The following RGL1 variants were observed in gnomAD, a reference collection of about 807,000 sequenced individuals.
RGL1 encodes the protein ral guanine nucleotide dissociation stimulator-like 1.
In RGL1, 24 loss-of-function variants were observed where a neutral mutation model predicts 95.2. That is an observed-to-expected ratio of 0.25 (90% CI 0.18 to 0.35). RGL1 has a LOEUF of 0.35. RGL1 is among the 10% of genes least tolerant of loss of function. The pLI is 1.00. For synonymous variants in RGL1, 329 were observed against 344.9 expected, an observed-to-expected ratio of 0.95 and a Z score of 0.51; for missense variants, 715 against 936.3, an observed-to-expected ratio of 0.76 and a Z score of 3.08.
At chr1:183,891,733 G>GTTTTTTT (rs57974956) in intron 8 of RGL1, among the ~76,000 whole-genome samples, 7 of 123,946 alleles carry the variant, frequency 5.6e-5, no homozygotes, top group Non-Finnish European at 1.0e-4. Flanking sequence ...GTGTGTAACA[G>GTTTTTTT]TTTTTTTTTT....
intron 4 of RGL1, among the ~76,000 whole-genome samples, chr1:183,874,611 G>A (rs1366080247): frequency 6.6e-6 from 1 of 151,362 alleles, no homozygotes; most frequent in Non-Finnish European, 1.5e-5. Context: ...TATTTCCCTG[G>A]TCTTTTCTCA....
chr1:183,892,025 C>T (rs1020526134), intron 8 of RGL1, 52 bp from the exon 9 acceptor site: 12 of 1,425,088 alleles, frequency 8.4e-6, no homozygotes, highest in African/African-American at 2.8e-5. Context: ...CCAAAAGTGT[C>T]GGGTTATTCC....
intron 5 of RGL1, among the ~76,000 whole-genome samples, chr1:183,883,542 C>T (rs1558269665): frequency 6.6e-6 from 1 of 152,142 alleles, no homozygotes; most frequent in East Asian, 1.9e-4. Context: ...TGTCCTTGGC[C>T]TAGGAGCCAG....
At chr1:183,824,340 T>C (rs917281576) in intron 2 of RGL1, among the ~76,000 whole-genome samples, 3 of 152,236 alleles carry the variant, frequency 2.0e-5, no homozygotes, top group African/African-American at 7.2e-5. Context: ...TATCCGGCCC[T>C]GGAGACATGA....
intron 8 of RGL1, among the ~76,000 whole-genome samples, chr1:183,891,712 G>A (rs1001418662): frequency 4.7e-5 from 7 of 148,102 alleles, no homozygotes; most frequent in African/African-American, 1.8e-4. Flanking sequence ...TCTCAGATCT[G>A]TGGGCTCTGT....
At chr1:183,821,557 T>C (rs527801412) in intron 2 of RGL1, among the ~76,000 whole-genome samples, 5 of 152,290 alleles carry the variant, frequency 3.3e-5, no homozygotes, top group Admixed American at 6.5e-5. Context: ...GGCAGGTTGG[T>C]ACCAGGAACA....
chr1:183,753,504 A>T lies in RGL1; in HGVS notation c.132+11215A>T, dbSNP rs76186468. ...GCAAAAGACTTTATTACTCACAGCA[A>T]GAGCAGCAGCCAGAGTGTCAACATG... On this transcript the variant is annotated intron_variant, in intron 2 of 18. Transcript: ENST00000304685. Among the ~76,000 whole-genome samples, 275 of 152,358 alleles carry T rather than the reference A, an allele frequency of 1.8e-3. 6 individuals are homozygous for T. The East Asian group carries it at 0.042, about 23-fold the overall frequency.
intron 3 of RGL1, among the ~76,000 whole-genome samples, chr1:183,852,121 C>T (rs1225764221): frequency 1.3e-5 from 2 of 152,156 alleles, no homozygotes; most frequent in South Asian, 2.1e-4. Context: ...AAGACAGATA[C>T]TGCAGTATTT....
At chr1:183,798,318 T>C (rs1172762724) in intron 2 of RGL1, among the ~76,000 whole-genome samples, 1 of 152,204 alleles carries the variant, frequency 6.6e-6, no homozygotes, top group Non-Finnish European at 1.5e-5. Flanking sequence ...TATGTTGATA[T>C]TGCCATCTTC....
At chr1:183,810,011 G>T (rs1015506858) in intron 2 of RGL1, among the ~76,000 whole-genome samples, 11 of 152,186 alleles carry the variant, frequency 7.2e-5, no homozygotes, top group African/African-American at 2.7e-4. Context: ...ATTTTTGGAA[G>T]AGCAAAGTGT....
At chr1:183,795,473 C>A (rs1660651112) in intron 2 of RGL1, among the ~76,000 whole-genome samples, 1 of 152,084 alleles carries the variant, frequency 6.6e-6, no homozygotes, top group Admixed American at 6.5e-5. Flanking sequence ...GGAAGGATGT[C>A]CCAAAGATGG....
At chr1:183,879,488 T>G (rs908027345) in intron 4 of RGL1, among the ~76,000 whole-genome samples, 4 of 152,274 alleles carry the variant, frequency 2.6e-5, no homozygotes, top group African/African-American at 9.6e-5. Flanking sequence ...TTTTAAAATG[T>G]GCTAAAAAAT....
intron 2 of RGL1, among the ~76,000 whole-genome samples, chr1:183,820,484 G>A (rs929297724): frequency 1.3e-5 from 2 of 152,108 alleles, no homozygotes; most frequent in African/African-American, 2.4e-5. Context: ...GACCCTGATA[G>A]CACCATATGA....
At chr1:183,916,850 C>A in intron 16 of RGL1, 149 bp downstream of exon 16, 1 of 833,882 alleles carries the variant, frequency 1.2e-6, no homozygotes, top group South Asian at 1.9e-5. Context: ...TGTGTCAGTT[C>A]CAGGTCTCCC....
At chr1:183,830,915 A>G (rs531412206) in intron 2 of RGL1, among the ~76,000 whole-genome samples, 4 of 152,168 alleles carry the variant, frequency 2.6e-5, no homozygotes, top group African/African-American at 9.7e-5. Flanking sequence ...TTGAATTCAG[A>G]TTTAAAAATA....
chr1:183,643,387 G>A (rs551339926), intron 1 of RGL1, among the ~76,000 whole-genome samples: 3 of 151,998 alleles, frequency 2.0e-5, no homozygotes, highest in South Asian at 2.1e-4. Context: ...TGCTTCCTGG[G>A]TTCAAGTGAT....
chr1:183,889,935 G>T (rs564096727), intron 8 of RGL1, among the ~76,000 whole-genome samples: 1 of 152,172 alleles, frequency 6.6e-6, no homozygotes, highest in East Asian at 1.9e-4. Context: ...CAAGGTGATT[G>T]TGTGTATTAA....
chr1:183,664,541 A>C (rs959719709), intron 1 of RGL1, among the ~76,000 whole-genome samples: 17 of 151,464 alleles, frequency 1.1e-4, no homozygotes, highest in African/African-American at 4.1e-4. Flanking sequence ...ATTTAAACCC[A>C]GAGCACTCTA....
intron 2 of RGL1, among the ~76,000 whole-genome samples, chr1:183,819,807 C>T: frequency 6.8e-6 from 1 of 146,008 alleles, no homozygotes. Context: ...TTTTAAGAGA[C>T]AGGGTCTTGT....
Sources: gnomAD v4.1 joint callset for allele counts (sites outside exome capture counted in the v4.1 genomes callset) on GRCh38, gnomAD v4.1.1 for gene constraint, MANE v1.5 for transcripts, NCBI Gene and HGNC (gene_info 2026-07-23, HGNC 2026-07-21) for gene names.